Variants in GABRG3 observed in about 807,000 individuals in gnomAD.
GABRG3 encodes gamma-aminobutyric acid receptor subunit gamma-3.
A neutral mutation model predicts 48.8 loss-of-function variants in GABRG3; 25 were observed. The observed-to-expected ratio is 0.51, with a 90% CI of 0.37 to 0.72. GABRG3 has a LOEUF of 0.72. GABRG3 is among the 30% of genes least tolerant of loss of function. GABRG3 has a pLI of 0.00. For missense variants in GABRG3, 394 were observed against 577.9 expected (o/e 0.68, Z 3.26); for synonymous variants, 227 against 217.6 (o/e 1.04, Z -0.38).
intron 3 of GABRG3, among the ~76,000 whole-genome samples, chr15:27,310,680 G>A (rs985911106): frequency 1.3e-5 from 2 of 152,066 alleles, no homozygotes; most frequent in East Asian, 3.9e-4. Flanking sequence ...ATGCACTTCT[G>A]AATAAAAAGA....
intron 6 of GABRG3, among the ~76,000 whole-genome samples, chr15:27,516,096 G>A (rs748323704): frequency 2.6e-4 from 38 of 147,934 alleles, no homozygotes; most frequent in African/African-American, 6.9e-4. Context: ...TCTAGCAGCC[G>A]GTTAGCATTT....
At chr15:27,087,272 A>G (rs909499751) in intron 3 of GABRG3, among the ~76,000 whole-genome samples, 1 of 152,118 alleles carries the variant, frequency 6.6e-6, no homozygotes, top group South Asian at 2.1e-4. Context: ...ACCTCTGGGG[A>G]CTTGGTGCCA....
At chr15:27,344,112 A>C (rs558120453) in intron 5 of GABRG3, among the ~76,000 whole-genome samples, 2 of 152,342 alleles carry the variant, frequency 1.3e-5, no homozygotes, top group African/African-American at 4.8e-5. Context: ...CGAGGGTAGC[A>C]TCTCAGTCCT....
intron 2 of GABRG3, among the ~76,000 whole-genome samples, chr15:27,020,669 T>G (rs1167705946): frequency 6.6e-6 from 1 of 152,016 alleles, no homozygotes; most frequent in Non-Finnish European, 1.5e-5. Context: ...CGCCCCCCTC[T>G]GCCTCCCAAA....
intron 2 of GABRG3, among the ~76,000 whole-genome samples, chr15:27,009,922 GCTT>G (rs1314946493): frequency 2.6e-5 from 4 of 151,676 alleles, no homozygotes; most frequent in South Asian, 2.1e-4. Flanking sequence ...TGCTTCTGCT[GCTT>G]CTTCTTCTTT....
intron 3 of GABRG3, among the ~76,000 whole-genome samples, chr15:27,195,717 C>G (rs749094750): frequency 3.9e-5 from 6 of 152,030 alleles, no homozygotes; most frequent in Non-Finnish European, 7.4e-5. Flanking sequence ...TCACTGCAAC[C>G]TCTGCCTCCC....
intron 3 of GABRG3, among the ~76,000 whole-genome samples, chr15:27,047,949 T>G (rs150205605): frequency 0.011 from 1,726 of 152,326 alleles, 43 homozygotes; most frequent in African/African-American, 0.04. Flanking sequence ...AATAACTGAA[T>G]TACAGAAAAC....
At chr15:27,290,764 C>T (rs1891769611) in intron 3 of GABRG3, among the ~76,000 whole-genome samples, 1 of 151,972 alleles carries the variant, frequency 6.6e-6, no homozygotes, top group Non-Finnish European at 1.5e-5. Context: ...GGGCGAAATC[C>T]AAAAGTGAAA....
At chr15:27,360,974 G>A (rs1566805354) in intron 5 of GABRG3, among the ~76,000 whole-genome samples, 2 of 152,168 alleles carry the variant, frequency 1.3e-5, no homozygotes, top group Non-Finnish European at 2.9e-5. Context: ...GTGACTGACT[G>A]GAGGCCTTAG....
intron 3 of GABRG3, among the ~76,000 whole-genome samples, chr15:27,323,141 C>T (rs1018557725): frequency 6.6e-6 from 1 of 152,152 alleles, no homozygotes; most frequent in African/African-American, 2.4e-5. Flanking sequence ...TCACTCTTTG[C>T]CTTACCCTGT....
chr15:27,217,926 C>T (rs1889317473), intron 3 of GABRG3, among the ~76,000 whole-genome samples: 1 of 152,142 alleles, frequency 6.6e-6, no homozygotes, highest in African/African-American at 2.4e-5. Flanking sequence ...GAACTGCAAA[C>T]CAGCCGCAGG....
At chr15:27,022,891 G>T (rs575464654) in intron 2 of GABRG3, among the ~76,000 whole-genome samples, 1 of 152,278 alleles carries the variant, frequency 6.6e-6, no homozygotes, top group African/African-American at 2.4e-5. Flanking sequence ...CTTTAGTGTT[G>T]TGACAGAGGC....
chr15:27,334,414 T>G lies in GABRG3; in HGVS notation c.574+5526T>G, dbSNP rs191643660. ...AAAATTATATATGCAAAATAAATGA[T>G]CATTGGCAATTGTTTAAATTATGTA... On this transcript the variant is annotated intron_variant, in intron 5 of 9. Coordinates refer to ENST00000615808, the MANE Select transcript of GABRG3 (RefSeq NM_033223.5). Among the ~76,000 whole-genome samples the G allele has an allele frequency of 7.2e-5, 11 of 152,338 alleles. No individual in the cohort carries two copies. In the East Asian group the frequency reaches 2.1e-3, roughly 29 times the overall value.
Position 26,971,365 on chromosome 15 carries a change from T to G in GABRG3, c.-171T>G. 1 of 403,348 alleles carries G rather than the reference T, an allele frequency of 2.5e-6. No homozygotes were observed. The allele number at this position is 403,348 out of a possible 1,614,324, so 25.0% of individuals were successfully genotyped here. On this transcript the variant is annotated 5_prime_UTR_variant, in exon 1 of 10. Transcript: ENST00000615808. ...CCCGGCGTCCCGTGTGCGTCCAGTG[T>G]GCGCCCCGCGGGGGCGCGGCCAGCG...
At chr15:27,122,156 C>T (rs186879499) in intron 3 of GABRG3, among the ~76,000 whole-genome samples, 288 of 152,236 alleles carry the variant, frequency 1.9e-3, no homozygotes, top group African/African-American at 6.6e-3. Flanking sequence ...ATGGATACCC[C>T]GTTCTCCATG....
In GABRG3 at chr15:27,311,679, A is replaced by G. The variant is rs116934226; in HGVS notation, c.271-15130A>G. ...GTTAGACAGGGAATCCAATGATTCA[A>G]CTTTTCTGGAGGTGGCCTGAGGAAC... On this transcript the variant is annotated intron_variant, in intron 3 of 9. Coordinates refer to ENST00000615808, the MANE Select transcript of GABRG3 (RefSeq NM_033223.5). Among the ~76,000 whole-genome samples, 208 of 152,262 alleles carry G rather than the reference A, an allele frequency of 1.4e-3. 2 individuals are homozygous for G. In the East Asian group the frequency reaches 0.035, roughly 25 times the overall value.
intron 5 of GABRG3, among the ~76,000 whole-genome samples, chr15:27,387,584 A>G (rs1895962989): frequency 6.6e-6 from 1 of 151,860 alleles, no homozygotes; most frequent in African/African-American, 2.4e-5. Flanking sequence ...CTTGATACAC[A>G]TGTGTGAATA....
At chr15:27,163,645 A>G (rs1042417377) in intron 3 of GABRG3, among the ~76,000 whole-genome samples, 2 of 152,142 alleles carry the variant, frequency 1.3e-5, no homozygotes, top group African/African-American at 2.4e-5. Flanking sequence ...TCATAAATAC[A>G]TAAGTCAGTG....
chr15:27,130,813 A>C (rs1176436934), intron 3 of GABRG3, among the ~76,000 whole-genome samples: 24 of 151,880 alleles, frequency 1.6e-4, no homozygotes, highest in Non-Finnish European at 1.5e-5. Flanking sequence ...TTCTTTACAG[A>C]TTGTTCTTTG....
Sources: gnomAD v4.1 joint callset for allele counts (sites outside exome capture counted in the v4.1 genomes callset) on GRCh38, gnomAD v4.1.1 for gene constraint, MANE v1.5 for transcripts, NCBI Gene and HGNC (gene_info 2026-07-23, HGNC 2026-07-21) for gene names.